The following ESRRG variants were observed in gnomAD, a reference collection of about 807,000 sequenced individuals.
ESRRG encodes the protein estrogen related receptor gamma, also known as estrogen-related receptor gamma.
Under a neutral mutation model 44.0 loss-of-function variants are expected in ESRRG, and 13 were observed. The observed-to-expected ratio is 0.30, with a 90% CI of 0.19 to 0.47. The LOEUF is 0.47. ESRRG is among the 20% of genes least tolerant of loss of function. ESRRG has a pLI of 1.00. For synonymous variants in ESRRG, 215 were observed against 214.6 expected (o/e 1.00, Z -0.02); for missense variants, 395 against 580.6 (o/e 0.68, Z 3.29).
chr1:216,998,433 T>C (rs2076633121), intron 1 of ESRRG, among the ~76,000 whole-genome samples: 1 of 152,226 alleles, frequency 6.6e-6, no homozygotes, highest in Admixed American at 6.5e-5. Flanking sequence ...CATTGTATTA[T>C]ACCATCCTCA....
At chr1:216,543,600 A>G (rs781009761) in intron 5 of ESRRG, among the ~76,000 whole-genome samples, 3 of 152,048 alleles carry the variant, frequency 2.0e-5, no homozygotes, top group Non-Finnish European at 2.9e-5. Flanking sequence ...TGGAATTTCA[A>G]CATGTACTAT....
At chr1:216,970,402 A>G (rs1184912340) in intron 1 of ESRRG, among the ~76,000 whole-genome samples, 1 of 152,224 alleles carries the variant, frequency 6.6e-6, no homozygotes, top group Admixed American at 6.5e-5. Flanking sequence ...CACACATTCT[A>G]AAAACATAGT....
At position 216,704,082 on chromosome 1, in the gene ESRRG, T is replaced by C. The variant is rs559724224; in HGVS notation, c.56+19162A>G. 2.1e-3 allele frequency among the ~76,000 whole-genome samples: 313 copies of C among 152,314 alleles called. 1 individual carries two copies. Among genetic ancestry groups the C allele is most frequent in the African/African-American group, 7.3e-3 (304 of 41,580 alleles). ...GAGTTAGCAATGTGATTCATTTTCATGTGTGTTCCGTTCCCCATATAGACC... is the reference window on the plus strand; with the variant it reads ...GAGTTAGCAATGTGATTCATTTTCACGTGTGTTCCGTTCCCCATATAGACC... On this transcript the variant is annotated intron_variant, in intron 1 of 6. Coordinates refer to ENST00000408911, the MANE Select transcript of ESRRG (RefSeq NM_001438.4).
chr1:216,723,789 A>G (rs1416620), upstream of ESRRG, among the ~76,000 whole-genome samples: 23,188 of 151,614 alleles, frequency 0.15, 2,159 homozygotes, highest in South Asian at 0.32. Flanking sequence ...TTAACTCTCT[A>G]AGCACTGGAG....
intron 1 of ESRRG, among the ~76,000 whole-genome samples, chr1:217,053,975 G>A (rs1028425120): frequency 3.3e-5 from 5 of 150,670 alleles, no homozygotes; most frequent in Non-Finnish European, 2.9e-5. Flanking sequence ...CAGCCGTGGC[G>A]TTCTTTACAA....
At chr1:216,744,697 C>A (rs2091185046) in intron 2 of ESRRG, among the ~76,000 whole-genome samples, 1 of 152,138 alleles carries the variant, frequency 6.6e-6, no homozygotes, top group African/African-American at 2.4e-5. Flanking sequence ...TGCTGTGTTA[C>A]CTATGAGTAG....
At chr1:216,758,285 AG>A (rs1360063465) in intron 2 of ESRRG, among the ~76,000 whole-genome samples, 5 of 152,042 alleles carry the variant, frequency 3.3e-5, no homozygotes, top group African/African-American at 1.2e-4. Context: ...TCATGTTGGA[AG>A]GGCCTCCGTC....
intron 2 of ESRRG, among the ~76,000 whole-genome samples, chr1:216,879,216 G>A (rs1327248741): frequency 6.6e-6 from 1 of 152,108 alleles, no homozygotes; most frequent in African/African-American, 2.4e-5. Flanking sequence ...GAGTTCAAGA[G>A]TTTACAGGAG....
chr1:216,982,226 C>A (rs748503669), intron 1 of ESRRG, among the ~76,000 whole-genome samples: 3 of 152,252 alleles, frequency 2.0e-5, no homozygotes, highest in East Asian at 3.9e-4. Context: ...AGTGTAAGTT[C>A]TCTGATTCAG....
At chr1:216,524,138 C>A (rs1023429277) in intron 5 of ESRRG, among the ~76,000 whole-genome samples, 1 of 149,486 alleles carries the variant, frequency 6.7e-6, no homozygotes, top group African/African-American at 2.5e-5. Flanking sequence ...GCCAGATGTT[C>A]TTTTCACATA....
At chr1:216,821,383 G>A (rs947598821) in intron 2 of ESRRG, among the ~76,000 whole-genome samples, 3 of 151,950 alleles carry the variant, frequency 2.0e-5, no homozygotes, top group Non-Finnish European at 2.9e-5. Flanking sequence ...GATCTTAATG[G>A]TTAAATATTA....
intron 5 of ESRRG, among the ~76,000 whole-genome samples, chr1:216,531,277 G>C (rs2049291880): frequency 1.3e-5 from 2 of 152,224 alleles, no homozygotes; most frequent in South Asian, 4.1e-4. Flanking sequence ...GGACAGCATG[G>C]AAAAGCAGCT....
At chr1:216,690,662 A>G (rs1421479852) in intron 1 of ESRRG, among the ~76,000 whole-genome samples, 2 of 152,182 alleles carry the variant, frequency 1.3e-5, no homozygotes, top group African/African-American at 4.8e-5. Context: ...ACTATGCATT[A>G]CCAGAAGTTT....
intron 1 of ESRRG, among the ~76,000 whole-genome samples, chr1:217,003,609 A>G (rs2077355431): frequency 1.3e-5 from 2 of 149,890 alleles, no homozygotes; most frequent in African/African-American, 2.4e-5. Flanking sequence ...ATTAATATTA[A>G]TACTAACATA....
At chr1:216,581,082 CA>C (rs2062677207) in intron 3 of ESRRG, among the ~76,000 whole-genome samples, 1 of 152,024 alleles carries the variant, frequency 6.6e-6, no homozygotes. Context: ...AACATATAGA[CA>C]AAAAGTGAGC....
At chr1:216,861,293 T>C (rs2149097515) in intron 2 of ESRRG, among the ~76,000 whole-genome samples, 1 of 152,146 alleles carries the variant, frequency 6.6e-6, no homozygotes, top group South Asian at 2.1e-4. Context: ...AATTAAAAAG[T>C]AATATTCTAT....
At chr1:216,837,813 T>C (rs2148831111) in intron 2 of ESRRG, among the ~76,000 whole-genome samples, 1 of 152,326 alleles carries the variant, frequency 6.6e-6, no homozygotes, top group East Asian at 1.9e-4. Flanking sequence ...GAGAATTTTT[T>C]CAAATAGTTG....
At chr1:216,966,450 T>C (rs898017607) in intron 1 of ESRRG, among the ~76,000 whole-genome samples, 22 of 152,100 alleles carry the variant, frequency 1.4e-4, no homozygotes, top group African/African-American at 5.3e-4. Context: ...GGGCTCAACC[T>C]CTAGGAGTAA....
At chr1:217,014,486 G>A (rs561971081) in intron 1 of ESRRG, among the ~76,000 whole-genome samples, 3 of 152,240 alleles carry the variant, frequency 2.0e-5, no homozygotes, top group African/African-American at 7.2e-5. Context: ...TAAAACAAGT[G>A]CTTTCCAATA....
Sources: gnomAD v4.1 joint callset for allele counts (sites outside exome capture counted in the v4.1 genomes callset) on GRCh38, gnomAD v4.1.1 for gene constraint, MANE v1.5 for transcripts, NCBI Gene and HGNC (gene_info 2026-07-23, HGNC 2026-07-21) for gene names.